Variants in FCHO1 observed in about 807,000 individuals in gnomAD.
FCHO1 encodes the protein FCH and mu domain containing endocytic adaptor 1, also known as F-BAR domain only protein 1.
FCHO1 carries 45 observed loss-of-function variants against 114.4 expected under a neutral mutation model. The observed-to-expected ratio is 0.39, with a 90% CI of 0.31 to 0.50. FCHO1 has a LOEUF of 0.50. FCHO1 is among the 20% of genes least tolerant of loss of function. The pLI is 0.77. For missense variants in FCHO1, 1,042 were observed against 1,209.6 expected, an observed-to-expected ratio of 0.86 and a Z score of 2.06; for synonymous variants, 480 against 488.9, an observed-to-expected ratio of 0.98 and a Z score of 0.24.
intron 5 of FCHO1, 77 bp downstream of exon 5, chr19:17,762,930 G>T (rs1283022178): frequency 7.0e-6 from 7 of 996,996 alleles, no homozygotes; most frequent in Non-Finnish European, 1.1e-5. Flanking sequence ...GCTACGCCCT[G>T]CATGGTCAGG....
Position 17,788,434 on chromosome 19 carries a change from C to A in FCHO1, c.*128C>A, listed in dbSNP as rs1346727836. 3 of 683,920 alleles carry A rather than the reference C, an allele frequency of 4.4e-6. No individual in the cohort carries two copies. The highest frequency in any genetic ancestry group is 5.1e-6 in the Non-Finnish European group (2 of 395,258). 42.4% of individuals were successfully genotyped at this position (683,920 alleles called of 1,614,324 possible). A position where few individuals can be genotyped will look rare whatever the true frequency, so the allele number is the denominator to read the frequency against. On this transcript the variant is annotated 3_prime_UTR_variant, in exon 29 of 29. Transcript: ENST00000596536. The stretch of plus-strand genomic sequence containing the variant: ...GAGGCCCATACTCCACGGAGAGGAG[C>A]CCCATGCCCAGCCTGGCTGAGCCCG...
chr19:17,751,736 GC>G lies in FCHO1; in HGVS notation c.-183+165del, dbSNP rs1568308736. Among the ~76,000 whole-genome samples the G allele has an allele frequency of 6.6e-6, 1 of 152,188 alleles. No individual in the cohort carries two copies. Among genetic ancestry groups the G allele is most frequent in the Non-Finnish European group, 1.5e-5 (1 of 68,030 alleles). On this transcript the variant is annotated intron_variant, in intron 1 of 28. Transcript: ENST00000596536. This position sits in a 1 kb window ranked among gnomAD's most constrained non-coding sequence, Gnocchi z 4.4. ...CCTGCATGGGGCCACCCGTTGCCCT[GC>G]CCCCCGTCCCCCATTCCAGCTGTGA...
At chr19:17,786,260 G>A (rs2147509998) in intron 26 of FCHO1, among the ~76,000 whole-genome samples, 1 of 152,196 alleles carries the variant, frequency 6.6e-6, no homozygotes, top group Non-Finnish European at 1.5e-5. Context: ...TTGAACCCAG[G>A]AGGCATAGGC....
chr19:17,761,615 C>T (rs1163954989), intron 4 of FCHO1, among the ~76,000 whole-genome samples: 2 of 138,702 alleles, frequency 1.4e-5, no homozygotes, highest in African/African-American at 5.3e-5. Context: ...GACAATTTGA[C>T]TTCTTTTCAT....
At chr19:17,762,329 C>G (rs1821784607) in intron 4 of FCHO1, among the ~76,000 whole-genome samples, 1 of 150,472 alleles carries the variant, frequency 6.6e-6, no homozygotes, top group African/African-American at 2.4e-5. Flanking sequence ...CCCTCTGGTT[C>G]AGCTTCTTTC....
chr19:17,751,996 C>T lies in FCHO1; in HGVS notation c.-183+419C>T, dbSNP rs963641739. Among the ~76,000 whole-genome samples, 2 of 152,158 alleles carry T rather than the reference C, an allele frequency of 1.3e-5. No homozygotes were observed. Among genetic ancestry groups the T allele is most frequent in the African/African-American group, 4.8e-5 (2 of 41,434 alleles). ...GCGTGTGAATAGTTGGGTACAGGGT[C>T]GCACACATACTGGTGCTCCATGTGT... On this transcript the variant is annotated intron_variant, in intron 1 of 28. Transcript: ENST00000596536. The surrounding 1 kb of genome is among the most constrained non-coding windows in gnomAD (Gnocchi z 4.4).
intron 6 of FCHO1, among the ~76,000 whole-genome samples, 186 bp downstream of exon 6, chr19:17,764,635 G>C (rs2087960087): frequency 6.6e-6 from 1 of 150,836 alleles, no homozygotes; most frequent in Admixed American, 6.6e-5. Flanking sequence ...TATTTTTTGA[G>C]TGCCTTCTGT....
chr19:17,756,432 C>T (rs998435658), intron 4 of FCHO1, among the ~76,000 whole-genome samples: 2 of 152,308 alleles, frequency 1.3e-5, no homozygotes, highest in South Asian at 2.1e-4. Flanking sequence ...TTGTGTGAGG[C>T]GTGCAGGCTC....
chr19:17,763,259 CTT>C (rs11349881), intron 5 of FCHO1, among the ~76,000 whole-genome samples: 1,862 of 96,058 alleles, frequency 0.019, 24 homozygotes, highest in Non-Finnish European at 0.021. Context: ...CCACATCTGG[CTT>C]TTTTTTTTTT....
chr19:17,762,720 T>C, intron 4 of FCHO1, 42 bp from the exon 5 acceptor site: 1 of 1,440,442 alleles, frequency 6.9e-7, no homozygotes, highest in Non-Finnish European at 9.8e-7. Flanking sequence ...AACTATGATG[T>C]TCTCTCCATC....
chr19:17,776,571 C>G lies in FCHO1; in HGVS notation c.1208-64C>G. On this transcript the variant is annotated intron_variant, in intron 17 of 28. Coordinates refer to ENST00000596536, the MANE Select transcript of FCHO1 (RefSeq NM_015122.3). The surrounding 1 kb of genome is among the most constrained non-coding windows in gnomAD (Gnocchi z 4.4). Reference sequence around the variant, plus strand: ...CACCCCCGAGCCTCGGTCCCTTGGTCTGTGGAGTGGGGAGCATTGCAGGCA... The same window carrying G: ...CACCCCCGAGCCTCGGTCCCTTGGTGTGTGGAGTGGGGAGCATTGCAGGCA... The G allele has an allele frequency of 2.5e-6, 4 of 1,580,990 alleles. No homozygotes were observed. The highest frequency in any genetic ancestry group is 3.5e-6 in the Non-Finnish European group (4 of 1,150,352).
At chr19:17,783,552 G>A (rs2093621114) in intron 24 of FCHO1, among the ~76,000 whole-genome samples, 1 of 151,408 alleles carries the variant, frequency 6.6e-6, no homozygotes, top group Non-Finnish European at 1.5e-5. Context: ...ACAGGCGTGA[G>A]CTACCACACC....
rs202195319 is a variant in FCHO1 at position 17,787,783 on chromosome 19, G to A, written c.2584G>A (p.Val862Met). ...CAGCGAGGGGACCACTCTGTCGGGC[G>A]TGGACTTGGAACTGGTGGGCAGCGG... ...FTSEGTTLSGVDLELVGSGYR... is the reference protein window; with the variant it reads ...FTSEGTTLSGMDLELVGSGYR... The change falls in exon 28 of 29, where the codon GTG becomes ATG. Residue 862 changes from valine to methionine, a missense_variant. Physicochemically the swap from Val to Met is conservative, Grantham distance 21. Transcript: ENST00000596536. 2.9e-5 allele frequency: 47 copies of A among 1,612,728 alleles called. No individual in the cohort carries two copies. In the East Asian group the frequency reaches 4.5e-4, roughly 15 times the overall value.
rs1346879732 is a variant in FCHO1, at chr19:17,774,281, A to C, written c.833A>C (p.Glu278Ala). The change falls in exon 12 of 29, where the codon GAA (glutamate) becomes GCA (alanine). Residue 278 changes from glutamate (E) to alanine (A), a missense_variant and splice_region_variant. Transcript: ENST00000596536. The stretch of plus-strand genomic sequence containing the variant: ...GCATACAGTGCGGCTGCCCTGCAGG[A>C]AGGCAAGTACGTCTGGGCCTGGATG... ...FEAYSAAALQEAMKRLRGAKA... is the reference protein window; with the variant it reads ...FEAYSAAALQAAMKRLRGAKA... 6.2e-7 allele frequency: 1 copy of C among 1,614,106 alleles called. No homozygotes were observed. The highest frequency in any genetic ancestry group is 8.5e-7 in the Non-Finnish European group (1 of 1,180,026).
intron 23 of FCHO1, among the ~76,000 whole-genome samples, chr19:17,782,736 C>CT: frequency 1.3e-5 from 2 of 152,206 alleles, no homozygotes; most frequent in South Asian, 4.1e-4. Context: ...CAAAGGATAG[C>CT]TAAAAAACTG....
intron 9 of FCHO1, 126 bp downstream of exon 9, chr19:17,771,022 G>A (rs931155124): frequency 7.5e-5 from 55 of 735,484 alleles, no homozygotes; most frequent in Non-Finnish European, 2.0e-5. Context: ...GGGAGGCCGA[G>A]GCGGGAGGAT....
At chr19:17,777,617 A>G (rs1449532959) in intron 18 of FCHO1, among the ~76,000 whole-genome samples, 2 of 151,576 alleles carry the variant, frequency 1.3e-5, no homozygotes, top group Admixed American at 6.6e-5. Flanking sequence ...AAACTAAAGC[A>G]GATGACGCGA....
Position 17,772,627 on chromosome 19 carries a change from C to T in FCHO1, c.694-18C>T. On this transcript the variant is annotated intron_variant, in intron 10 of 28. Coordinates refer to ENST00000596536, the MANE Select transcript of FCHO1 (RefSeq NM_015122.3). Reference sequence around the variant, plus strand: ...AAAGGGGCCTTGACCAGTTACACACCCCGCCCACCCGGCACAGGTGCATGA... The same window carrying T: ...AAAGGGGCCTTGACCAGTTACACACTCCGCCCACCCGGCACAGGTGCATGA... The T allele has an allele frequency of 6.2e-7, 1 of 1,613,818 alleles. No homozygotes were observed.
In FCHO1 at chr19:17,784,376, G is replaced by A. The variant is rs2093686254; in HGVS notation, c.2226+141G>A. ...AGAGATCCAATCTGTGAGAGCCGAT[G>A]AGCTGGAGGGAGTAGGCAGTGTGGG... On this transcript the variant is annotated intron_variant, in intron 25 of 28. Transcript: ENST00000596536. The surrounding 1 kb of genome is among the most constrained non-coding windows in gnomAD (Gnocchi z 5.3). 9.4e-7 allele frequency: 1 copy of A among 1,064,288 alleles called. No homozygotes were observed. The highest frequency in any genetic ancestry group is 1.3e-6 in the Non-Finnish European group (1 of 743,796). 65.9% of individuals were successfully genotyped at this position (1,064,288 alleles called of 1,614,324 possible). A position where few individuals can be genotyped will look rare whatever the true frequency, so the allele number is the denominator to read the frequency against.
Sources: gnomAD v4.1 joint callset for allele counts (sites outside exome capture counted in the v4.1 genomes callset) on GRCh38, gnomAD v4.1.1 for gene constraint, Gnocchi (gnomAD v3.1) non-coding constraint, MANE v1.5 for transcripts, NCBI Gene and HGNC (gene_info 2026-07-23, HGNC 2026-07-21) for gene names.